The following GARS1 variants were observed in gnomAD, a reference collection of about 807,000 sequenced individuals.
GARS1 encodes glycine--tRNA ligase.
In GARS1, 46 loss-of-function variants were observed where a neutral mutation model predicts 86.4. The ratio of observed to expected loss-of-function variants is 0.53; its 90% CI spans 0.42 to 0.68. The LOEUF (loss-of-function observed/expected upper bound fraction) is 0.68. Ranked by LOEUF, GARS1 falls within the 30% of genes least tolerant of loss-of-function variation. The pLI is 0.00. For synonymous variants in GARS1, 342 were observed against 329.8 expected (o/e 1.04, Z -0.40); for missense variants, 797 against 915.6 (o/e 0.87, Z 1.67).
chr7:30,622,410 A>G lies in GARS1; in HGVS notation c.1561A>G (p.Ile521Val). 4 of 1,614,160 alleles carry G rather than the reference A, an allele frequency of 2.5e-6. No homozygotes were observed. The highest frequency in any genetic ancestry group is 2.2e-5 in the East Asian group (1 of 44,864). Residue 521 changes from isoleucine (I) to valine (V), a missense_variant, in exon 12 of 17, where the codon ATT (isoleucine) becomes GTT (valine). By Grantham distance (29) the Ile-to-Val change is conservative (BLOSUM62 3). This residue lies in a region of GARS1 where 598 missense variants were observed against 738.7 expected (regional missense o/e 0.81). Transcript: ENST00000389266. ...DAKLVMEYLA[I>V]CDECYITEME... ...AAAACTGGTGATGGAGTATCTTGCC[A>G]TTTGTGATGAGTGCTACATTACAGA...
At chr7:30,612,314 G>T in intron 8 of GARS1, 69 bp downstream of exon 8, 1 of 1,414,392 alleles carries the variant, frequency 7.1e-7, no homozygotes, top group Non-Finnish European at 1.0e-6. Context: ...AAAGCTTGCT[G>T]TTTTGAAGCA....
intron 10 of GARS1, among the ~76,000 whole-genome samples, chr7:30,618,992 A>T (rs1399635518): frequency 2.0e-5 from 3 of 152,108 alleles, no homozygotes; most frequent in Non-Finnish European, 4.4e-5. Context: ...TTCCTTTTGT[A>T]TGAGAAAAGA....
At chr7:30,603,430 A>G in intron 5 of GARS1, 66 bp from the exon 6 acceptor site, 1 of 1,279,152 alleles carries the variant, frequency 7.8e-7, no homozygotes. Context: ...ATTGTCTAGC[A>G]TTGAAACTGA....
At chr7:30,622,649 A>G in intron 12 of GARS1, 187 bp downstream of exon 12, 4 of 649,548 alleles carry the variant, frequency 6.2e-6, no homozygotes, top group Non-Finnish European at 1.0e-5. Flanking sequence ...AATAGAATAT[A>G]CTTTTTTTTT....
At chr7:30,597,135 G>T (rs1367701573) in intron 1 of GARS1, among the ~76,000 whole-genome samples, 1 of 152,194 alleles carries the variant, frequency 6.6e-6, no homozygotes, top group Non-Finnish European at 1.5e-5. Context: ...AGTCCTTAAA[G>T]ATATCTGTGA....
chr7:30,602,895 T>C (rs1562772709), intron 4 of GARS1, 139 bp from the exon 5 acceptor site: 6 of 718,054 alleles, frequency 8.4e-6, no homozygotes, highest in Non-Finnish European at 1.3e-5. Context: ...ATTACTGTCA[T>C]GGATACATCA....
intron 13 of GARS1, chr7:30,627,143 G>C (rs1465260084): frequency 4.4e-6 from 2 of 453,202 alleles, no homozygotes; most frequent in Admixed American, 2.6e-5. Context: ...GAAATTCCTG[G>C]AAACGGAGTA....
chr7:30,597,401 C>CA (rs1791274230), intron 1 of GARS1, among the ~76,000 whole-genome samples: 2 of 152,196 alleles, frequency 1.3e-5, no homozygotes, highest in South Asian at 4.1e-4. Context: ...GAGGTAGTAT[C>CA]AAAGAATATC....
intron 13 of GARS1, among the ~76,000 whole-genome samples, chr7:30,626,668 T>C (rs1783134676): frequency 6.6e-6 from 1 of 152,166 alleles, no homozygotes; most frequent in Non-Finnish European, 1.5e-5. Flanking sequence ...CCTGTCTTCT[T>C]TGGCAAAATA....
intron 8 of GARS1, among the ~76,000 whole-genome samples, chr7:30,612,563 A>G (rs906661326): frequency 6.7e-6 from 1 of 148,886 alleles, no homozygotes; most frequent in Non-Finnish European, 1.5e-5. Context: ...TGTCTAAACC[A>G]AGGCAATACT....
chr7:30,596,586 C>G (rs926612928), intron 1 of GARS1, among the ~76,000 whole-genome samples: 10 of 152,160 alleles, frequency 6.6e-5, no homozygotes, highest in African/African-American at 2.2e-4. Context: ...ATCTAGTTAA[C>G]TAAAGTAAAC....
rs1554338272 is a variant in GARS1, at chr7:30,612,246, G to A, written c.1031+1G>A. 6.2e-6 allele frequency: 10 copies of A among 1,613,818 alleles called. No individual in the cohort carries two copies. Among genetic ancestry groups the A allele is most frequent in the Non-Finnish European group, 8.5e-6 (10 of 1,179,744 alleles). ...CTCGATCTGGACTGATCAGAGTCAG[G>A]TACTGCTCAGGTTACTCTTACAAAT... is the stretch of plus-strand genomic sequence containing the variant. On this transcript the variant is annotated splice_donor_variant, in intron 8 of 16. Coordinates refer to ENST00000389266, the MANE Select transcript of GARS1 (RefSeq NM_002047.4). LOFTEE classifies it high-confidence loss of function.
In GARS1 at chr7:30,598,839, T is replaced by C; in HGVS notation, c.266T>C (p.Val89Ala). The C allele has an allele frequency of 1.2e-6, 2 of 1,614,188 alleles. No homozygotes were observed. The highest frequency in any genetic ancestry group is 2.2e-5 in the East Asian group (1 of 44,886). ...RKLKEDKAPQ[V>A]DVDKAVAELK... is the part of the protein sequence containing the mutation. Reference sequence around the variant, plus strand: ...CTCAAAGAAGATAAAGCACCCCAAGTAGACGTAGACAAAGCAGTGGCTGAG... The same window carrying C: ...CTCAAAGAAGATAAAGCACCCCAAGCAGACGTAGACAAAGCAGTGGCTGAG... The change falls in exon 2 of 17, where the codon GTA becomes GCA. Residue 89 changes from valine (V) to alanine (A), a missense_variant. By Grantham distance (64) the Val-to-Ala change is moderately conservative (BLOSUM62 0). Transcript: ENST00000389266.
intron 4 of GARS1, among the ~76,000 whole-genome samples, chr7:30,601,767 T>G (rs1418003110): frequency 6.6e-6 from 1 of 152,168 alleles, no homozygotes; most frequent in South Asian, 2.1e-4. Context: ...TTATTGAAAG[T>G]AGGGCAGAAT....
At chr7:30,598,937 T>C (rs1184511097) in intron 2 of GARS1, 40 bp downstream of exon 2, 2 of 1,472,986 alleles carry the variant, frequency 1.4e-6, no homozygotes, top group African/African-American at 1.4e-5. Context: ...TAAGTAGGTA[T>C]AGGATTGTTC....
intron 1 of GARS1, among the ~76,000 whole-genome samples, chr7:30,597,245 A>C (rs1464890762): frequency 3.3e-5 from 5 of 152,184 alleles, no homozygotes; most frequent in Non-Finnish European, 7.3e-5. Flanking sequence ...TGACCAATGC[A>C]TGATGTTATG....
Position 30,595,005 on chromosome 7 carries a change from C to G in GARS1, c.84C>G (p.Pro28=), listed in dbSNP as rs1455802130. 4 of 1,584,834 alleles carry G rather than the reference C, an allele frequency of 2.5e-6. No individual in the cohort carries two copies. The highest frequency in any genetic ancestry group is 3.4e-6 in the Non-Finnish European group (4 of 1,173,320). ...TGCCGCCCCGGCTCTTAGCCCGACC[C>G]TCGCTCCTGCTCCGCCGGTCCCTCA... The part of the protein sequence containing the change: ...LLLPPRLLAR[P]SLLLRRSLSA... Residue 28 remains proline (P), a synonymous_variant, in exon 1 of 17, where the codon CCC becomes CCG. Transcript: ENST00000389266.
In GARS1 at chr7:30,618,558, C is replaced by T. The variant is rs763001082; in HGVS notation, c.1359+1280C>T. ...CTGAGGTGGGAAGATCACATGAGCC[C>T]GGGAGGTTGAGGCTGTAGTGAGCCA... On this transcript the variant is annotated intron_variant, in intron 10 of 16. Transcript: ENST00000389266. Among the ~76,000 whole-genome samples, 9 of 152,188 alleles carry T rather than the reference C, an allele frequency of 5.9e-5. No homozygotes were observed. The South Asian group carries it at 8.3e-4, about 14-fold the overall frequency.
intron 4 of GARS1, among the ~76,000 whole-genome samples, chr7:30,601,915 A>T (rs1437581261): frequency 2.6e-5 from 4 of 151,182 alleles, no homozygotes; most frequent in Non-Finnish European, 5.9e-5. Flanking sequence ...AGTAGCTGGG[A>T]CTACAGGCAC....
Sources: gnomAD v4.1 joint callset for allele counts (sites outside exome capture counted in the v4.1 genomes callset) on GRCh38, gnomAD v4.1.1 for gene constraint, gnomAD v4.1.1 regional missense constraint, MANE v1.5 for transcripts, NCBI Gene and HGNC (gene_info 2026-07-23, HGNC 2026-07-21) for gene names.